Variants in DNAH2 observed in about 807,000 individuals in gnomAD.
DNAH2 encodes the protein axonemal beta dynein heavy chain 2.
A neutral mutation model predicts 523.5 loss-of-function variants in DNAH2; 323 were observed. The ratio of observed to expected loss-of-function variants is 0.62; its 90% CI spans 0.56 to 0.68. The LOEUF (loss-of-function observed/expected upper bound fraction) is 0.68. Ranked by LOEUF, DNAH2 falls within the 30% of genes least tolerant of loss-of-function variation. DNAH2 has a pLI of 0.00. For missense variants in DNAH2, 4,907 were observed against 5,701.5 expected, an observed-to-expected ratio of 0.86 and a Z score of 4.49; for synonymous variants, 2,093 against 2,177.4, an observed-to-expected ratio of 0.96 and a Z score of 1.08.
rs767765595 is a variant in DNAH2 at position 7,830,360 on chromosome 17, T to C, written c.11914T>C (p.Cys3972Arg). ...QLMSEPQFSR[C>R]SKPAKYKKLL... ...GATGTCAGAACCACAGTTTTCCCGC[T>C]GCTCCAAACCTGCCAAATATAAGAA... is the stretch of plus-strand genomic sequence containing the variant. Residue 3972 changes from cysteine to arginine, a missense_variant, in exon 78 of 86, where the codon TGC becomes CGC. This residue lies in a region of DNAH2 where 1,851 missense variants were observed against 2,139.4 expected (regional missense o/e 0.87). Coordinates refer to ENST00000572933, the MANE Select transcript of DNAH2 (RefSeq NM_020877.5). The C allele has an allele frequency of 7.4e-6, 12 of 1,614,272 alleles. No homozygotes were observed. Among genetic ancestry groups the C allele is most frequent in the South Asian group, 1.1e-5 (1 of 91,090 alleles).
In DNAH2 at chr17:7,819,403, C is replaced by T. The variant is rs748247084; in HGVS notation, c.11010C>T (p.Val3670=). The change falls in exon 72 of 86, where the codon GTC becomes GTT. Residue 3670 remains valine, a synonymous_variant. Coordinates refer to ENST00000572933, the MANE Select transcript of DNAH2 (RefSeq NM_020877.5). ...TGAATGACTACCACACCTACGCTGT[C>T]TACAGGTCTGAGGGTGCCCCCAACA... ...DYLNDYHTYA[V]YRYTCRTLFE... 5.6e-6 allele frequency: 9 copies of T among 1,614,276 alleles called. No homozygotes were observed. In the South Asian group the frequency reaches 9.9e-5, roughly 18 times the overall value.
rs946087554 is a variant in DNAH2 at position 7,754,890 on chromosome 17, G to T, written c.1905-2201G>T. On this transcript the variant is annotated intron_variant, in intron 12 of 85. Coordinates refer to ENST00000572933, the MANE Select transcript of DNAH2 (RefSeq NM_020877.5). This position sits in a 1 kb window ranked among gnomAD's most constrained non-coding sequence, Gnocchi z 4.6. ...TGCCAACGTGAGGACAGAAGGACAG[G>T]TGCCACCCACCCCGGGCTGCCGTCT... 6.7e-6 allele frequency: 4 copies of T among 595,444 alleles called. No individual in the cohort carries two copies. 36.9% of individuals were successfully genotyped at this position (595,444 alleles called of 1,614,324 possible).
intron 36 of DNAH2, among the ~76,000 whole-genome samples, chr17:7,779,638 T>A (rs1398525513): frequency 6.6e-6 from 1 of 152,196 alleles, no homozygotes; most frequent in Non-Finnish European, 1.5e-5. Context: ...AATAACCACT[T>A]ATGTGTGTAT....
intron 34 of DNAH2, 26 bp downstream of exon 34, chr17:7,778,206 G>C: frequency 6.2e-7 from 1 of 1,614,180 alleles, no homozygotes; most frequent in South Asian, 1.1e-5. Flanking sequence ...TGAATGAGGT[G>C]GCTGGGGTGG....
In DNAH2 at chr17:7,804,294, C is replaced by A; in HGVS notation, c.9011C>A (p.Ala3004Asp). 6.2e-7 allele frequency: 1 copy of A among 1,614,166 alleles called. No individual in the cohort carries two copies. The highest frequency in any genetic ancestry group is 8.5e-7 in the Non-Finnish European group (1 of 1,180,036). The stretch of plus-strand genomic sequence containing the variant: ...AAACGGCAGGAGCTGCTGGCCCAAG[C>A]CAATAAACTGCGGACAGGCTTGTTC... ...GEKRQELLAQ[A>D]NKLRTGLFKI... Residue 3004 changes from alanine (A) to aspartate (D), a missense_variant, in exon 59 of 86, where the codon GCC (alanine) becomes GAC (aspartate). Around this residue, in one of 3 missense-constraint regions of DNAH2, gnomAD observed 1,851 missense variants for 2,139.4 expected, o/e 0.87. Transcript: ENST00000572933.
At chr17:7,755,633 G>A (rs1170562902) in intron 12 of DNAH2, among the ~76,000 whole-genome samples, 4 of 152,128 alleles carry the variant, frequency 2.6e-5, no homozygotes, top group East Asian at 3.9e-4. Flanking sequence ...GCTGGGCCCC[G>A]GGAGCAGGAG....
At position 7,740,827 on chromosome 17, in the gene DNAH2, T is replaced by C. The variant is rs764427454; in HGVS notation, c.1524T>C (p.Tyr508=). 15 of 1,609,040 alleles carry C rather than the reference T, an allele frequency of 9.3e-6. No individual in the cohort carries two copies. Among genetic ancestry groups the C allele is most frequent in the African/African-American group, 8.0e-5 (6 of 74,844 alleles). Residue 508 remains tyrosine, a synonymous_variant, in exon 11 of 86, where the codon TAT becomes TAC. Transcript: ENST00000572933. ...LASREAIKRT[Y]DKKAVDLYML... is the part of the protein sequence containing the mutation. ...TTCCCTAGGCTATCAAGCGGACTTATGACAAGAAGGCGGTGGATCTCTACA... is the reference window on the plus strand; with the variant it reads ...TTCCCTAGGCTATCAAGCGGACTTACGACAAGAAGGCGGTGGATCTCTACA...
Position 7,817,668 on chromosome 17 carries a change from C to G in DNAH2, c.10128C>G (p.Ala3376=). Reference sequence around the variant, plus strand: ...ACATCCAAGGGTTGCCCTCAGACGCCTTCTCCACTGAGAATGGCATCATCG... The same window carrying G: ...ACATCCAAGGGTTGCCCTCAGACGCGTTCTCCACTGAGAATGGCATCATCG... The part of the protein sequence containing the change: ...DWNIQGLPSD[A]FSTENGIIVT... Residue 3376 remains alanine (A), a synonymous_variant, in exon 66 of 86, where the codon GCC becomes GCG. Transcript: ENST00000572933. The G allele has an allele frequency of 6.2e-7, 1 of 1,614,174 alleles. No homozygotes were observed. The highest frequency in any genetic ancestry group is 8.5e-7 in the Non-Finnish European group (1 of 1,180,034).
At chr17:7,789,089 A>G (rs2151266830) in intron 44 of DNAH2, among the ~76,000 whole-genome samples, 1 of 152,206 alleles carries the variant, frequency 6.6e-6, no homozygotes, top group East Asian at 1.9e-4. Context: ...GCTTGAACCC[A>G]GGAGGCAGAG....
At position 7,831,214 on chromosome 17, in the gene DNAH2, C is replaced by T. The variant is rs1281536385; in HGVS notation, c.12359C>T (p.Ala4120Val). The T allele has an allele frequency of 6.2e-7, 1 of 1,614,186 alleles. No homozygotes were observed. Among genetic ancestry groups the T allele is most frequent in the African/African-American group, 1.3e-5 (1 of 75,056 alleles). The change falls in exon 80 of 86, where the codon GCC becomes GTC. Residue 4120 changes from alanine to valine, a missense_variant. Ala to Val is a moderately conservative substitution (Grantham distance 64, BLOSUM62 0). Around this residue, in one of 3 missense-constraint regions of DNAH2, gnomAD observed 1,851 missense variants for 2,139.4 expected, o/e 0.87. Coordinates refer to ENST00000572933, the MANE Select transcript of DNAH2 (RefSeq NM_020877.5). The surrounding 1 kb of genome is among the most constrained non-coding windows in gnomAD (Gnocchi z 4.2). ...AFGQHPNADV[A>V]SQITEAQTLF... ...GGCCAGCACCCCAATGCTGATGTGG[C>T]CTCTCAGATCACTGAGGCACAAACC...
intron 39 of DNAH2, among the ~76,000 whole-genome samples, chr17:7,782,618 G>T (rs1335612481): frequency 1.3e-5 from 2 of 152,128 alleles, no homozygotes; most frequent in Non-Finnish European, 2.9e-5. Flanking sequence ...ATGAATGGGA[G>T]CCAGAAGAAC....
chr17:7,811,214 T>A (rs2077508422), intron 63 of DNAH2, among the ~76,000 whole-genome samples: 1 of 152,208 alleles, frequency 6.6e-6, no homozygotes, highest in Non-Finnish European at 1.5e-5. Context: ...CAGAGGCCAT[T>A]TAGTTCAATT....
chr17:7,831,329 G>A lies in DNAH2; in HGVS notation c.12459+15G>A. 1 of 1,613,976 alleles carries A rather than the reference G, an allele frequency of 6.2e-7. No homozygotes were observed. The highest frequency in any genetic ancestry group is 1.7e-5 in the Admixed American group (1 of 60,014). ...GGGAAGAGAAGGTAAAAAGAGCCGG[G>A]CCTGGGGGAGGGAAAGTGATGAGAA... is the stretch of plus-strand genomic sequence containing the variant. On this transcript the variant is annotated intron_variant, in intron 80 of 85. Transcript: ENST00000572933. The surrounding 1 kb of genome is among the most constrained non-coding windows in gnomAD (Gnocchi z 4.2).
rs2076441172 is a variant in DNAH2, at chr17:7,775,986, C to G, written c.4822-38C>G. The G allele has an allele frequency of 2.5e-6, 4 of 1,610,404 alleles. No individual in the cohort carries two copies. The Admixed American group carries it at 6.7e-5, about 27-fold the overall frequency. On this transcript the variant is annotated intron_variant, in intron 30 of 85. Transcript: ENST00000572933. The stretch of plus-strand genomic sequence containing the variant: ...CTGTGGAGGACCTTGGCCGTGCCCC[C>G]TCAGGCTGAGCTGCCCTATTCTCCC...
At chr17:7,736,331 A>G (rs2075141254) in intron 7 of DNAH2, among the ~76,000 whole-genome samples, 1 of 152,208 alleles carries the variant, frequency 6.6e-6, no homozygotes, top group Non-Finnish European at 1.5e-5. Context: ...AGCCAGAACT[A>G]ACTGGAGGAG....
intron 2 of DNAH2, among the ~76,000 whole-genome samples, chr17:7,722,305 C>G (rs913642309): frequency 4.6e-5 from 7 of 152,072 alleles, no homozygotes; most frequent in Non-Finnish European, 8.8e-5. Flanking sequence ...GTGCCCGGCC[C>G]CCAGTCAGCT....
In DNAH2 at chr17:7,821,985, C is replaced by T. The variant is rs1019847937; in HGVS notation, c.11142+616C>T. On this transcript the variant is annotated intron_variant, in intron 73 of 85. Coordinates refer to ENST00000572933, the MANE Select transcript of DNAH2 (RefSeq NM_020877.5). The surrounding 1 kb of genome is among the most constrained non-coding windows in gnomAD (Gnocchi z 5.0). ...CACCCCAAACTCTCAACACAGCAAC[C>T]AGAGAGGTCCCACTCTGTCACTCAC... 1.3e-5 allele frequency among the ~76,000 whole-genome samples: 2 copies of T among 152,048 alleles called. No individual in the cohort carries two copies. The highest frequency in any genetic ancestry group is 2.9e-5 in the Non-Finnish European group (2 of 67,984).
rs1418170826 is a variant in DNAH2, at chr17:7,832,193, A to G, written c.12727-386A>G. On this transcript the variant is annotated intron_variant, in intron 82 of 85. Transcript: ENST00000572933. The surrounding 1 kb of genome is among the most constrained non-coding windows in gnomAD (Gnocchi z 4.3). ...GGGGCTGCCACCACATAGTCTTCTC[A>G]TATCTGCTTCAGGTGCTCAAAATAA... Among the ~76,000 whole-genome samples, 2 of 152,110 alleles carry G rather than the reference A, an allele frequency of 1.3e-5. No homozygotes were observed. Among genetic ancestry groups the G allele is most frequent in the Non-Finnish European group, 1.5e-5 (1 of 68,020 alleles).
chr17:7,801,776 A>T, intron 57 of DNAH2, 66 bp downstream of exon 57: 1 of 1,608,410 alleles, frequency 6.2e-7, no homozygotes, highest in Non-Finnish European at 8.5e-7. Context: ...CTCATCTCTC[A>T]TCGCACCCCC....
Sources: allele counts gnomAD v4.1 joint callset (sites outside exome capture counted in the v4.1 genomes callset), GRCh38; gene constraint gnomAD v4.1.1; regional missense constraint gnomAD v4.1.1; non-coding constraint Gnocchi (gnomAD v3.1); transcripts MANE v1.5; gene names NCBI Gene and HGNC (gene_info 2026-07-23, HGNC 2026-07-21).